Variants in NUBP1 observed in about 807,000 individuals in gnomAD.
NUBP1 encodes the protein cytosolic Fe-S cluster assembly factor NUBP1.
In NUBP1, 46 loss-of-function variants were observed where a neutral mutation model predicts 41.8. That is an observed-to-expected ratio of 1.10 (90% CI 0.87 to 1.41). NUBP1 has a LOEUF of 1.41. NUBP1 is among the 40% of genes most tolerant of loss of function. The probability of loss-of-function intolerance (pLI) is 0.00; values close to 1 mark genes in which losing one functional copy is unlikely to be tolerated. For missense variants in NUBP1, 494 were observed against 414.0 expected (o/e 1.19, Z -1.68); for synonymous variants, 189 against 154.6 (o/e 1.22, Z -1.65).
At chr16:10,758,397 TGGGGAAAGGAGGTTGCAGTGAGCCATGA>T (rs1486059132) in intron 7 of NUBP1, among the ~76,000 whole-genome samples, 2 of 152,144 alleles carry the variant, frequency 1.3e-5, no homozygotes, top group African/African-American at 4.8e-5. Flanking sequence ...CATTTGAGCC[TGGGGAAAGGAGGTTGCAGTGAGCCATGA>T]TCACGCCAGT....
At chr16:10,745,571 A>G (rs1252452123) in intron 2 of NUBP1, among the ~76,000 whole-genome samples, 1 of 152,262 alleles carries the variant, frequency 6.6e-6, no homozygotes. Context: ...CCTGGAAAAT[A>G]CAAGTGACAG....
At chr16:10,754,812 A>G (rs890190370) in intron 4 of NUBP1, among the ~76,000 whole-genome samples, 3 of 151,820 alleles carry the variant, frequency 2.0e-5, no homozygotes, top group Non-Finnish European at 2.9e-5. Flanking sequence ...TGGGAGGCCA[A>G]GGCGGGTGGA....
In NUBP1 at chr16:10,769,204, A is replaced by G. The variant is rs1337923174; in HGVS notation, c.*99A>G. ...CCAGCTCCGGGATGGGGTGGGTCAC[A>G]GCAAAAGGACCAGATGCTGGTGTGG... is the stretch of plus-strand genomic sequence containing the variant. On this transcript the variant is annotated 3_prime_UTR_variant, in exon 11 of 11. Coordinates refer to ENST00000283027, the MANE Select transcript of NUBP1 (RefSeq NM_002484.4). The G allele has an allele frequency of 6.7e-6, 7 of 1,046,330 alleles. No individual in the cohort carries two copies. The Admixed American group carries it at 1.3e-4, about 20-fold the overall frequency. 64.8% of individuals were successfully genotyped at this position (1,046,330 alleles called of 1,614,324 possible). A position where few individuals can be genotyped will look rare whatever the true frequency, so the allele number is the denominator to read the frequency against.
chr16:10,757,568 C>CT lies in NUBP1; in HGVS notation c.452-304dup, dbSNP rs766191104. On this transcript the variant is annotated intron_variant, in intron 6 of 10. Coordinates refer to ENST00000283027, the MANE Select transcript of NUBP1 (RefSeq NM_002484.4). This position sits in a 1 kb window ranked among gnomAD's most constrained non-coding sequence, Gnocchi z 4.1. ...CAAGATGCCAGTAGCACCCCCTACTCTATTTGTGACAACCCAAAATGTCTC... is the reference window on the plus strand; with the variant it reads ...CAAGATGCCAGTAGCACCCCCTACTCTTATTTGTGACAACCCAAAATGTCTC... Among the ~76,000 whole-genome samples the CT allele has an allele frequency of 6.6e-6, 1 of 152,304 alleles. No individual in the cohort carries two copies. The highest frequency in any genetic ancestry group is 2.4e-5 in the African/African-American group (1 of 41,566).
At chr16:10,745,948 C>G (rs1273495482) in intron 2 of NUBP1, among the ~76,000 whole-genome samples, 2 of 152,174 alleles carry the variant, frequency 1.3e-5, no homozygotes, top group Non-Finnish European at 2.9e-5. Context: ...CCTAAAGTTA[C>G]AGTTGGCATG....
intron 4 of NUBP1, among the ~76,000 whole-genome samples, chr16:10,754,017 G>C (rs1460582426): frequency 6.6e-6 from 1 of 152,126 alleles, no homozygotes; most frequent in Non-Finnish European, 1.5e-5. Flanking sequence ...AATGGATTTG[G>C]TAGCACACGC....
At chr16:10,748,403 G>A (rs903509268) in intron 3 of NUBP1, among the ~76,000 whole-genome samples, 2 of 152,178 alleles carry the variant, frequency 1.3e-5, no homozygotes, top group African/African-American at 2.4e-5. Flanking sequence ...GCATACAGAC[G>A]AGCATGAAAA....
rs149472432 is a variant in NUBP1 at position 10,757,392 on chromosome 16, G to A, written c.452-481G>A. Among the ~76,000 whole-genome samples, 1 of 152,306 alleles carries A rather than the reference G, an allele frequency of 6.6e-6. No homozygotes were observed. The highest frequency in any genetic ancestry group is 2.4e-5 in the African/African-American group (1 of 41,566). ...ATCAACAGGAGGTTGATCTGGTACT[G>A]AGACTTAAGGTAATAATGTGAAAGT... On this transcript the variant is annotated intron_variant, in intron 6 of 10. Transcript: ENST00000283027. The surrounding 1 kb of genome is among the most constrained non-coding windows in gnomAD (Gnocchi z 4.1).
Position 10,757,932 on chromosome 16 carries a change from G to T in NUBP1, c.511G>T (p.Asp171Tyr), listed in dbSNP as rs1480717881. ...DWGEVDYLIV[D>Y]TPPGTSDEHL... ...GGGAGAGGTCGACTACCTCATTGTG[G>T]ACACCCCACCTGGGACGTCGGATGA... The change falls in exon 7 of 11, where the codon GAC becomes TAC. Residue 171 changes from aspartate (D) to tyrosine (Y), a missense_variant. By Grantham distance (160) the Asp-to-Tyr change is radical. Coordinates refer to ENST00000283027, the MANE Select transcript of NUBP1 (RefSeq NM_002484.4). This position sits in a 1 kb window ranked among gnomAD's most constrained non-coding sequence, Gnocchi z 4.1. 3.7e-6 allele frequency: 6 copies of T among 1,614,034 alleles called. No homozygotes were observed. Among genetic ancestry groups the T allele is most frequent in the Non-Finnish European group, 5.1e-6 (6 of 1,180,008 alleles).
Position 10,749,114 on chromosome 16 carries a change from T to TACACAGAC in NUBP1, c.258+1842_258+1849dup, listed in dbSNP as rs1211123952. On this transcript the variant is annotated intron_variant, in intron 3 of 10. Coordinates refer to ENST00000283027, the MANE Select transcript of NUBP1 (RefSeq NM_002484.4). The surrounding 1 kb of genome is among the most constrained non-coding windows in gnomAD (Gnocchi z 4.1). Reference sequence around the variant, plus strand: ...AAAAAAAAAAAAGGATATAGATAGATACACAGACACATACACACACACACA... The same window carrying TACACAGAC: ...AAAAAAAAAAAAGGATATAGATAGATACACAGACACACAGACACATACACACACACACA... 6.7e-5 allele frequency among the ~76,000 whole-genome samples: 7 copies of TACACAGAC among 103,992 alleles called. No individual in the cohort carries two copies. Among genetic ancestry groups the TACACAGAC allele is most frequent in the African/African-American group, 3.0e-4 (6 of 20,004 alleles). The allele number at this position is 103,992 out of a possible 152,430, so 68.2% of individuals were successfully genotyped here.
At chr16:10,744,777 A>T (rs1899986657) in intron 2 of NUBP1, among the ~76,000 whole-genome samples, 1 of 150,436 alleles carries the variant, frequency 6.6e-6, no homozygotes, top group African/African-American at 2.5e-5. Flanking sequence ...CTTTTTTTTT[A>T]GACAGAGTCT....
In NUBP1 at chr16:10,767,366, G is replaced by C. The variant is rs1019102904; in HGVS notation, c.821-583G>C. ...GCGGGGAAAGACTAGCAGACTGATA[G>C]ACACCAGCACAGATGACCTGGAAGA... On this transcript the variant is annotated intron_variant, in intron 9 of 10. Transcript: ENST00000283027. The surrounding 1 kb of genome is among the most constrained non-coding windows in gnomAD (Gnocchi z 4.6). The C allele has an allele frequency of 2.5e-5, 10 of 399,850 alleles. No individual in the cohort carries two copies. Among genetic ancestry groups the C allele is most frequent in the African/African-American group, 1.9e-4 (9 of 48,642 alleles). The allele number at this position is 399,850 out of a possible 1,614,324, so 24.8% of individuals were successfully genotyped here. A position where few individuals can be genotyped will look rare whatever the true frequency, so the allele number is the denominator to read the frequency against.
chr16:10,754,002 A>T (rs1209379792), intron 4 of NUBP1, among the ~76,000 whole-genome samples: 2 of 152,064 alleles, frequency 1.3e-5, no homozygotes, highest in African/African-American at 4.8e-5. Context: ...TTGGTCACAT[A>T]CCCCAATGGA....
chr16:10,747,388 C>A, intron 3 of NUBP1, 112 bp downstream of exon 3: 1 of 1,407,490 alleles, frequency 7.1e-7, no homozygotes. Context: ...AATCCCAGCA[C>A]TTTGGGAGGC....
At position 10,767,242 on chromosome 16, in the gene NUBP1, A is replaced by T. The variant is rs968331737; in HGVS notation, c.821-707A>T. 2 of 399,560 alleles carry T rather than the reference A, an allele frequency of 5.0e-6. No homozygotes were observed. Among genetic ancestry groups the T allele is most frequent in the African/African-American group, 4.1e-5 (2 of 48,526 alleles). The allele number at this position is 399,560 out of a possible 1,614,324, so 24.8% of individuals were successfully genotyped here. ...ACTGGAGGCGAGAACACCCCCATTG[A>T]CCCCTAGCCCCTTGTGTCCTGTCCA... On this transcript the variant is annotated intron_variant, in intron 9 of 10. Coordinates refer to ENST00000283027, the MANE Select transcript of NUBP1 (RefSeq NM_002484.4). This position sits in a 1 kb window ranked among gnomAD's most constrained non-coding sequence, Gnocchi z 4.6.
In NUBP1 at chr16:10,744,027, G is replaced by T. The variant is rs201425370; in HGVS notation, c.86G>T (p.Arg29Leu). Residue 29 changes from arginine to leucine, a missense_variant, in exon 2 of 11, where the codon CGG (arginine) becomes CTG (leucine). By Grantham distance (102) the Arg-to-Leu change is moderately radical. Transcript: ENST00000283027. ...GASCQGCPNQ[R>L]LCASGAGATP... ...TCATGTCAGGGATGCCCCAACCAGC[G>T]GCTGTGCGCTTCTGGAGCGGGGGCC... 8 of 1,580,262 alleles carry T rather than the reference G, an allele frequency of 5.1e-6. No homozygotes were observed. The highest frequency in any genetic ancestry group is 3.5e-5 in the South Asian group (3 of 86,124).
rs1339934375 is a variant in NUBP1, at chr16:10,743,893, G to A, written c.19+11G>A. ...AGGAGGTGCCTCACGGTAAGCTCGC[G>A]GAGGGGGCGTGGGTCGCGGGGCGAA... is the stretch of plus-strand genomic sequence containing the variant. On this transcript the variant is annotated intron_variant, in intron 1 of 10. Coordinates refer to ENST00000283027, the MANE Select transcript of NUBP1 (RefSeq NM_002484.4). 5 of 1,570,378 alleles carry A rather than the reference G, an allele frequency of 3.2e-6. No individual in the cohort carries two copies. Among genetic ancestry groups the A allele is most frequent in the African/African-American group, 2.7e-5 (2 of 73,702 alleles).
rs368534734 is a variant in NUBP1 at position 10,747,261 on chromosome 16, G to A, written c.243G>A (p.Glu81=). 2.5e-5 allele frequency: 41 copies of A among 1,613,794 alleles called. No homozygotes were observed. Among genetic ancestry groups the A allele is most frequent in the Non-Finnish European group, 3.2e-5 (38 of 1,180,026 alleles). Residue 81 remains glutamate, a synonymous_variant, in exon 3 of 11, where the codon GAG becomes GAA. Coordinates refer to ENST00000283027, the MANE Select transcript of NUBP1 (RefSeq NM_002484.4). ...CCCACCTTGCCCATGGCCTAGCAGAGGATGAAAACACACAGGTGAGACCTC... is the reference window on the plus strand; with the variant it reads ...CCCACCTTGCCCATGGCCTAGCAGAAGATGAAAACACACAGGTGAGACCTC... ...FSAHLAHGLA[E]DENTQIALLD... is the part of the protein sequence containing the mutation.
In NUBP1 at chr16:10,766,503, G is replaced by C. The variant is rs2030894938; in HGVS notation, c.821-1446G>C. On this transcript the variant is annotated intron_variant, in intron 9 of 10. Coordinates refer to ENST00000283027, the MANE Select transcript of NUBP1 (RefSeq NM_002484.4). This position sits in a 1 kb window ranked among gnomAD's most constrained non-coding sequence, Gnocchi z 4.8. ...CCTGGGTGAAAGTCAGGGACAGAAA[G>C]TAGCCCCAGCATGACTATTCTGGGA... 6.6e-6 allele frequency among the ~76,000 whole-genome samples: 1 copy of C among 152,172 alleles called. No homozygotes were observed. Among genetic ancestry groups the C allele is most frequent in the Non-Finnish European group, 1.5e-5 (1 of 68,022 alleles).
Sources: allele counts gnomAD v4.1 joint callset (sites outside exome capture counted in the v4.1 genomes callset), GRCh38; gene constraint gnomAD v4.1.1; non-coding constraint Gnocchi (gnomAD v3.1); transcripts MANE v1.5; gene names NCBI Gene and HGNC (gene_info 2026-07-23, HGNC 2026-07-21).